Variants in GRIK1 observed in about 807,000 individuals in gnomAD.
GRIK1 encodes the protein glutamate ionotropic receptor kainate type subunit 1, also known as glutamate receptor ionotropic, kainate 1.
A neutral mutation model predicts 105.7 loss-of-function variants in GRIK1; 69 were observed. The ratio of observed to expected loss-of-function variants is 0.65; its 90% confidence interval spans 0.54 to 0.80. The LOEUF (loss-of-function observed/expected upper bound fraction) is 0.80. Among genes scored for constraint, GRIK1 ranks in the 30% least tolerant of loss-of-function variants. The pLI, the probability that GRIK1 is intolerant of heterozygous loss-of-function variation, is 0.00. For missense variants in GRIK1, 1,109 were observed against 1,167.3 expected (o/e 0.95, Z 0.73); for synonymous variants, 438 against 431.3 (o/e 1.02, Z -0.19).
Position 29,587,349 on chromosome 21 carries a change from G to A in GRIK1, c.1793+17C>T. Reference sequence around the variant, plus strand: ...CTGACCTACACCTCTTGTGAATTCAGTGATTCTCAAACTTACCTTGCAATC... The same window carrying A: ...CTGACCTACACCTCTTGTGAATTCAATGATTCTCAAACTTACCTTGCAATC... On this transcript the variant is annotated intron_variant, in intron 12 of 17. Transcript: ENST00000327783. 2 of 1,502,766 alleles carry A rather than the reference G, an allele frequency of 1.3e-6. No individual in the cohort carries two copies. The highest frequency in any genetic ancestry group is 1.7e-4 in the Middle Eastern group (1 of 5,870). The allele number at this position is 1,502,766 out of a possible 1,614,324, so 93.1% of individuals were successfully genotyped here. A position where few individuals can be genotyped will look rare whatever the true frequency, so the allele number is the denominator to read the frequency against.
intron 1 of GRIK1, among the ~76,000 whole-genome samples, chr21:29,934,970 A>T (rs568231945): frequency 6.6e-6 from 1 of 152,272 alleles, no homozygotes; most frequent in Admixed American, 6.5e-5. Context: ...TTCTCTTTAG[A>T]CTTTCCCAGC....
chr21:29,577,301 T>C lies in GRIK1; in HGVS notation c.1913-120A>G, dbSNP rs555286912. The C allele has an allele frequency of 2.6e-4, 152 of 585,906 alleles. 1 individual carries two copies. The highest frequency in any genetic ancestry group is 3.8e-4 in the Non-Finnish European group (125 of 328,008). 36.3% of individuals were successfully genotyped at this position (585,906 alleles called of 1,614,324 possible). On this transcript the variant is annotated intron_variant, in intron 13 of 17. Coordinates refer to ENST00000327783, the MANE Select transcript of GRIK1 (RefSeq NM_001330994.2). ...AAAGACTTACCGTCTTGTAGGTAGA[T>C]GAAATAAATGCATTTTATAGAAAAT...
At chr21:29,787,729 G>A (rs1274790534) in intron 1 of GRIK1, among the ~76,000 whole-genome samples, 1 of 152,146 alleles carries the variant, frequency 6.6e-6, no homozygotes, top group Non-Finnish European at 1.5e-5. Flanking sequence ...ATTCTTCATA[G>A]GTTAGGTCCA....
At position 29,555,065 on chromosome 21, in the gene GRIK1, T is replaced by C; in HGVS notation, c.2594A>G (p.Asn865Ser). 1.2e-6 allele frequency: 2 copies of C among 1,610,252 alleles called. No individual in the cohort carries two copies. The highest frequency in any genetic ancestry group is 1.1e-5 in the South Asian group (1 of 90,968). Residue 865 changes from asparagine to serine, a missense_variant, in exon 16 of 18, where the codon AAT (asparagine) becomes AGT (serine). Coordinates refer to ENST00000327783, the MANE Select transcript of GRIK1 (RefSeq NM_001330994.2). Reference protein sequence around the residue: ...GEFIYKSRKNNDIEQKGKSSR... With the variant: ...GEFIYKSRKNSDIEQKGKSSR... ...GAGATGACTCACCTGTTCAATATCA[T>C]TATTCTTCCGTGATTTGTATATGAA...
intron 7 of GRIK1, among the ~76,000 whole-genome samples, chr21:29,613,706 A>G (rs752516563): frequency 2.0e-5 from 3 of 152,234 alleles, no homozygotes; most frequent in Non-Finnish European, 2.9e-5. Flanking sequence ...AGTATGGCCA[A>G]TGTAGTTTTT....
intron 2 of GRIK1, among the ~76,000 whole-genome samples, chr21:29,692,350 A>T (rs2063600373): frequency 6.6e-6 from 1 of 152,122 alleles, no homozygotes; most frequent in Admixed American, 6.6e-5. Context: ...TGTGTAAGAG[A>T]GAGCGATGAG....
Position 29,595,332 on chromosome 21 carries a change from T to A in GRIK1, c.1251+1194A>T, listed in dbSNP as rs149093576. Among the ~76,000 whole-genome samples the A allele has an allele frequency of 1.5e-3, 221 of 147,590 alleles. 1 individual carries two copies. Among genetic ancestry groups the A allele is most frequent in the African/African-American group, 5.3e-3 (207 of 38,774 alleles). On this transcript the variant is annotated intron_variant, in intron 9 of 17. Coordinates refer to ENST00000327783, the MANE Select transcript of GRIK1 (RefSeq NM_001330994.2). ...TGCCCAGAGTCTCAAGATGGATTAGTGTAATAGGTTTTTTTTTTTTTTTTT... is the reference window on the plus strand; with the variant it reads ...TGCCCAGAGTCTCAAGATGGATTAGAGTAATAGGTTTTTTTTTTTTTTTTT...
intron 7 of GRIK1, among the ~76,000 whole-genome samples, chr21:29,606,695 C>CAAAAA (rs796224241): frequency 3.5e-5 from 4 of 114,582 alleles, no homozygotes; most frequent in Admixed American, 8.3e-5. Flanking sequence ...CAAAACAAAA[C>CAAAAA]AAAAAAAACA....
At chr21:29,827,210 A>T (rs1173188566) in intron 1 of GRIK1, among the ~76,000 whole-genome samples, 2 of 152,148 alleles carry the variant, frequency 1.3e-5, no homozygotes, top group Admixed American at 1.3e-4. Flanking sequence ...AGAGATATAC[A>T]TTGCTATTTT....
chr21:29,671,648 T>C (rs2063162875), intron 4 of GRIK1, among the ~76,000 whole-genome samples: 1 of 152,202 alleles, frequency 6.6e-6, no homozygotes, highest in Admixed American at 6.5e-5. Context: ...TATCTACTTA[T>C]GAAATTACTG....
intron 7 of GRIK1, among the ~76,000 whole-genome samples, chr21:29,622,761 C>A (rs905432388): frequency 2.0e-5 from 3 of 152,200 alleles, no homozygotes; most frequent in Non-Finnish European, 4.4e-5. Context: ...TTACTCATTT[C>A]TCCTGAGAGC....
chr21:29,772,570 C>G (rs2065838874), intron 1 of GRIK1, among the ~76,000 whole-genome samples: 1 of 152,184 alleles, frequency 6.6e-6, no homozygotes, highest in Non-Finnish European at 1.5e-5. Context: ...GAGAGGAACT[C>G]AATTAACTAT....
chr21:29,604,816 T>A (rs543859973), intron 7 of GRIK1, among the ~76,000 whole-genome samples: 27 of 152,286 alleles, frequency 1.8e-4, no homozygotes, highest in South Asian at 1.2e-3. Context: ...TTGGACACAT[T>A]ATCTGATAAT....
At chr21:29,729,502 C>T (rs149314709) in intron 1 of GRIK1, among the ~76,000 whole-genome samples, 13 of 152,316 alleles carry the variant, frequency 8.5e-5, no homozygotes, top group African/African-American at 3.1e-4. Context: ...TGAACACCTA[C>T]AGGCACCTCT....
intron 3 of GRIK1, among the ~76,000 whole-genome samples, chr21:29,687,482 C>T (rs2063506619): frequency 6.6e-6 from 1 of 152,072 alleles, no homozygotes; most frequent in South Asian, 2.1e-4. Flanking sequence ...TTTAATGGCT[C>T]AATTGATTAT....
chr21:29,592,110 A>G (rs1308197807), intron 9 of GRIK1, among the ~76,000 whole-genome samples: 2 of 152,206 alleles, frequency 1.3e-5, no homozygotes, highest in Non-Finnish European at 2.9e-5. Context: ...TGTCATGTGC[A>G]TGAGAAGTAG....
intron 1 of GRIK1, among the ~76,000 whole-genome samples, chr21:29,930,760 C>T (rs1294058959): frequency 1.3e-5 from 2 of 152,192 alleles, no homozygotes; most frequent in Non-Finnish European, 2.9e-5. Flanking sequence ...GACGTATGAC[C>T]ATCAGATTAG....
intron 1 of GRIK1, among the ~76,000 whole-genome samples, chr21:29,712,260 A>G (rs2064074595): frequency 1.3e-5 from 2 of 152,246 alleles, no homozygotes; most frequent in Admixed American, 6.5e-5. Context: ...TAAAAACACA[A>G]AAGTTTATTT....
At chr21:29,608,391 T>A (rs1056045543) in intron 7 of GRIK1, among the ~76,000 whole-genome samples, 9 of 152,218 alleles carry the variant, frequency 5.9e-5, no homozygotes, top group African/African-American at 2.2e-4. Context: ...TACCTCGGAG[T>A]ATAATATATG....
Sources: gnomAD v4.1 joint callset for allele counts (sites outside exome capture counted in the v4.1 genomes callset) on GRCh38, gnomAD v4.1.1 for gene constraint, MANE v1.5 for transcripts, NCBI Gene and HGNC (gene_info 2026-07-23, HGNC 2026-07-21) for gene names.